Variants in TRAPPC9 observed in about 807,000 individuals in gnomAD.
TRAPPC9 encodes trafficking protein particle complex subunit 9, also known as IKK2 binding protein.
Under a neutral mutation model 124.0 loss-of-function variants are expected in TRAPPC9, and 83 were observed. That is an observed-to-expected ratio of 0.67 (90% CI 0.56 to 0.80). TRAPPC9 has a LOEUF of 0.80. Ranked by LOEUF, TRAPPC9 falls within the 30% of genes least tolerant of loss-of-function variation. The pLI is 0.00. For synonymous variants in TRAPPC9, 638 were observed against 617.5 expected (o/e 1.03, Z -0.49); for missense variants, 1,302 against 1,508.3 (o/e 0.86, Z 2.27).
chr8:140,170,993 C>T (rs1329213522), intron 17 of TRAPPC9, among the ~76,000 whole-genome samples: 1 of 152,212 alleles, frequency 6.6e-6, no homozygotes, highest in Non-Finnish European at 1.5e-5. Flanking sequence ...AAACACCAGC[C>T]TGACACCTGG....
At chr8:140,123,151 T>C (rs935130864) in intron 17 of TRAPPC9, among the ~76,000 whole-genome samples, 4 of 152,056 alleles carry the variant, frequency 2.6e-5, no homozygotes, top group Non-Finnish European at 4.4e-5. Flanking sequence ...CCCATCTCAG[T>C]AACCGGCCAC....
chr8:139,855,607 C>T (rs1234111395), intron 21 of TRAPPC9, among the ~76,000 whole-genome samples: 2 of 152,220 alleles, frequency 1.3e-5, no homozygotes, highest in African/African-American at 4.8e-5. Flanking sequence ...AGTGGGAAGT[C>T]CCCTGTTTAC....
chr8:140,420,198 T>TA (rs536335711), intron 5 of TRAPPC9, among the ~76,000 whole-genome samples: 1 of 152,012 alleles, frequency 6.6e-6, no homozygotes, highest in African/African-American at 2.4e-5. Flanking sequence ...AAACATTGGC[T>TA]AAAAAAAATT....
At chr8:140,312,758 C>CTTTTTTT (rs553049081) in intron 9 of TRAPPC9, among the ~76,000 whole-genome samples, 1 of 98,580 alleles carries the variant, frequency 1.0e-5, no homozygotes, top group Non-Finnish European at 2.2e-5. Flanking sequence ...TCTTCTTCTT[C>CTTTTTTT]TTTTTTTTTT....
chr8:140,406,748 GA>G (rs2069507158), intron 5 of TRAPPC9, among the ~76,000 whole-genome samples: 1 of 152,346 alleles, frequency 6.6e-6, no homozygotes, highest in South Asian at 2.1e-4. Flanking sequence ...GGTGAGGGAA[GA>G]AAGAACTGTA....
chr8:140,436,183 T>A (rs1200041048), intron 3 of TRAPPC9, among the ~76,000 whole-genome samples: 2 of 151,982 alleles, frequency 1.3e-5, no homozygotes, highest in Admixed American at 1.3e-4. Context: ...CTGACTCTAC[T>A]AAAAATACAA....
chr8:140,122,985 T>C (rs1380998179), intron 17 of TRAPPC9, among the ~76,000 whole-genome samples: 2 of 152,226 alleles, frequency 1.3e-5, no homozygotes, highest in Non-Finnish European at 2.9e-5. Context: ...CTGGGTCCTA[T>C]ACATTTTTAT....
intron 9 of TRAPPC9, among the ~76,000 whole-genome samples, chr8:140,318,622 CA>C (rs2066502801): frequency 6.6e-6 from 1 of 152,204 alleles, no homozygotes; most frequent in African/African-American, 2.4e-5. Context: ...TGAGAACATA[CA>C]GTATTTGTCT....
chr8:139,817,596 T>A (rs759545818), intron 21 of TRAPPC9, among the ~76,000 whole-genome samples: 6 of 152,224 alleles, frequency 3.9e-5, no homozygotes, highest in African/African-American at 7.2e-5. Flanking sequence ...TACCCGTGGA[T>A]GCGTCCCGGC....
intron 20 of TRAPPC9, among the ~76,000 whole-genome samples, chr8:139,908,045 G>A (rs1258257746): frequency 6.6e-6 from 1 of 152,210 alleles, no homozygotes; most frequent in East Asian, 1.9e-4. Context: ...CCAGGGTGGT[G>A]TCTGGGAGGC....
intron 7 of TRAPPC9, among the ~76,000 whole-genome samples, chr8:140,379,809 T>G (rs2068550843): frequency 6.6e-6 from 1 of 152,186 alleles, no homozygotes; most frequent in South Asian, 2.1e-4. Context: ...ACACCTTATC[T>G]AAATATGACA....
chr8:140,032,399 C>G (rs188401304), intron 17 of TRAPPC9, among the ~76,000 whole-genome samples: 2 of 149,266 alleles, frequency 1.3e-5, no homozygotes, highest in Non-Finnish European at 3.0e-5. Context: ...CAAATGTAAA[C>G]TTTTCCTCCC....
intron 20 of TRAPPC9, among the ~76,000 whole-genome samples, chr8:139,897,060 G>T (rs1036955546): frequency 2.6e-5 from 4 of 152,112 alleles, no homozygotes; most frequent in Admixed American, 6.5e-5. Flanking sequence ...ACATCCCTGC[G>T]TGCCTGAGCC....
chr8:140,331,738 C>T (rs932342492), intron 9 of TRAPPC9, among the ~76,000 whole-genome samples: 4 of 152,132 alleles, frequency 2.6e-5, no homozygotes, highest in African/African-American at 7.2e-5. Flanking sequence ...ATGCTCATCA[C>T]TAATCATCAG....
intron 9 of TRAPPC9, among the ~76,000 whole-genome samples, chr8:140,317,488 G>A (rs2066471218): frequency 6.6e-6 from 1 of 152,144 alleles, no homozygotes. Context: ...ATTCCCTTTA[G>A]TGGAAAGAAG....
rs551686227 is a variant in TRAPPC9, at chr8:140,331,118, A to G, written c.1496-19744T>C. 8.5e-5 allele frequency among the ~76,000 whole-genome samples: 13 copies of G among 152,120 alleles called. No individual in the cohort carries two copies. The East Asian group carries it at 2.3e-3, about 27-fold the overall frequency. On this transcript the variant is annotated intron_variant, in intron 9 of 22. Transcript: ENST00000438773. ...AACATCATGGTACTGGCATAAAAAC[A>G]GACTTGTAGACCAATTAAAAAAAAA...
At chr8:140,385,273 A>G (rs2068724145) in intron 7 of TRAPPC9, among the ~76,000 whole-genome samples, 1 of 152,244 alleles carries the variant, frequency 6.6e-6, no homozygotes, top group Non-Finnish European at 1.5e-5. Flanking sequence ...GAGAAGCAAG[A>G]GCAAACACAT....
intron 21 of TRAPPC9, among the ~76,000 whole-genome samples, chr8:139,789,322 G>A (rs1334458822): frequency 1.3e-5 from 2 of 152,212 alleles, no homozygotes; most frequent in East Asian, 1.9e-4. Flanking sequence ...GGATTCCATG[G>A]TCTTCCCTGC....
chr8:140,307,488 C>T (rs1377172344), intron 10 of TRAPPC9, among the ~76,000 whole-genome samples: 10 of 152,102 alleles, frequency 6.6e-5, no homozygotes, highest in Admixed American at 2.6e-4. Context: ...GCTACAAAGA[C>T]AAAGAAGAGA....
Sources: allele counts gnomAD v4.1 joint callset (sites outside exome capture counted in the v4.1 genomes callset), GRCh38; gene constraint gnomAD v4.1.1; transcripts MANE v1.5; gene names NCBI Gene and HGNC (gene_info 2026-07-23, HGNC 2026-07-21).